EPB41L3: variants seen among roughly 807,000 people sequenced by gnomAD.
The protein encoded by EPB41L3 is band 4.1-like protein 3.
In EPB41L3, 57 loss-of-function variants were observed where a neutral mutation model predicts 127.1. The observed-to-expected ratio is 0.45, with a 90% confidence interval of 0.36 to 0.56. EPB41L3 has a LOEUF of 0.56. EPB41L3 is among the 20% of genes least tolerant of loss of function. The probability of loss-of-function intolerance (pLI) is 0.00; values close to 1 mark genes in which losing one functional copy is unlikely to be tolerated. For synonymous variants in EPB41L3, 572 were observed against 549.5 expected, an observed-to-expected ratio of 1.04 and a Z score of -0.57; for missense variants, 1,273 against 1,372.2, an observed-to-expected ratio of 0.93 and a Z score of 1.14.
At chr18:5,616,141 C>T (rs1599339263) in intron 1 of EPB41L3, among the ~76,000 whole-genome samples, 1 of 152,186 alleles carries the variant, frequency 6.6e-6, no homozygotes, top group East Asian at 1.9e-4. Flanking sequence ...CCTTCCCTCA[C>T]CTCTCCCAAA....
At position 5,488,580 on chromosome 18, in the gene EPB41L3, A is replaced by ATGT. The variant is rs372299879; in HGVS notation, c.183+420_183+421insACA. On this transcript the variant is annotated intron_variant, in intron 2 of 22. Coordinates refer to ENST00000341928, the MANE Select transcript of EPB41L3 (RefSeq NM_012307.5). ...AAGTATAATAATAATGATGATGATG[A>ATGT]TGATAATAATAATAATAATAATAAT... 2.9e-3 allele frequency among the ~76,000 whole-genome samples: 401 copies of ATGT among 136,808 alleles called. 1 individual carries two copies. The highest frequency in any genetic ancestry group is 0.012 in the African/African-American group (382 of 30,700). 89.8% of individuals were successfully genotyped at this position (136,808 alleles called of 152,430 possible).
At position 5,407,349 on chromosome 18, in the gene EPB41L3, G is replaced by GT. The variant is rs145969268; in HGVS notation, c.2157+351dup. The GT allele has an allele frequency of 2.6e-3, 1,041 of 406,314 alleles. 26 individuals carry two copies. In the East Asian group the frequency reaches 0.042, roughly 17 times the overall value. The allele number at this position is 406,314 out of a possible 1,614,324, so 25.2% of individuals were successfully genotyped here. ...CCACTTATTAATGGATGAGCACACAGTTCATGCATCACAATACGAGCCCAC... is the reference window on the plus strand; with the variant it reads ...CCACTTATTAATGGATGAGCACACAGTTTCATGCATCACAATACGAGCCCAC... On this transcript the variant is annotated intron_variant, in intron 15 of 22. Coordinates refer to ENST00000341928, the MANE Select transcript of EPB41L3 (RefSeq NM_012307.5).
At chr18:5,511,403 T>G (rs997684965) in intron 1 of EPB41L3, among the ~76,000 whole-genome samples, 2 of 137,768 alleles carry the variant, frequency 1.5e-5, no homozygotes, top group South Asian at 2.5e-4. Flanking sequence ...TTTTTTTTTT[T>G]TTTTTTTTTT....
intron 5 of EPB41L3, among the ~76,000 whole-genome samples, chr18:5,443,395 A>G (rs1464791111): frequency 6.6e-6 from 1 of 152,248 alleles, no homozygotes; most frequent in Non-Finnish European, 1.5e-5. Flanking sequence ...TTGGTCCATT[A>G]AAATACGTAT....
At position 5,506,329 on chromosome 18, in the gene EPB41L3, G is replaced by A. The variant is rs536094890; in HGVS notation, c.-11-17135C>T. On this transcript the variant is annotated intron_variant, in intron 1 of 22. Transcript: ENST00000341928. ...TCTGGATACGCTGGCCTGAAAGAGC[G>A]CTACTCCAACGCCCTCATCATCTAC... Among the ~76,000 whole-genome samples, 5 of 152,240 alleles carry A rather than the reference G, an allele frequency of 3.3e-5. No homozygotes were observed. In the East Asian group the frequency reaches 7.7e-4, roughly 24 times the overall value.
chr18:5,500,332 C>T (rs2091627523), intron 1 of EPB41L3, among the ~76,000 whole-genome samples: 1 of 152,164 alleles, frequency 6.6e-6, no homozygotes, highest in African/African-American at 2.4e-5. Context: ...TATTCCCCAA[C>T]ATCTGACTCT....
intron 3 of EPB41L3, among the ~76,000 whole-genome samples, chr18:5,445,863 C>T (rs538577489): frequency 3.7e-4 from 57 of 152,260 alleles, no homozygotes; most frequent in Non-Finnish European, 4.9e-4. Flanking sequence ...ATCTAGGTTG[C>T]GCGCTCCTTA....
chr18:5,590,262 C>G (rs2094474271), intron 3 of EPB41L3, among the ~76,000 whole-genome samples: 1 of 152,090 alleles, frequency 6.6e-6, no homozygotes, highest in Non-Finnish European at 1.5e-5. Context: ...TGTTTGAGGT[C>G]CCAGTGCACC....
chr18:5,555,582 ACTCT>A (rs149751142), intron 3 of EPB41L3, among the ~76,000 whole-genome samples: 2,561 of 151,788 alleles, frequency 0.017, 66 homozygotes, highest in African/African-American at 0.058. Context: ...TGGACACCTT[ACTCT>A]CTCTCCCAAA....
rs7228644 is a variant in EPB41L3 at position 5,434,290 on chromosome 18, T to C, written c.606-169A>G. 0.25 allele frequency among the ~76,000 whole-genome samples: 37,291 copies of C among 152,096 alleles called. 5,595 individuals are homozygous for C. Among genetic ancestry groups the C allele is most frequent in the East Asian group, 0.45 (2,303 of 5,150 alleles). On this transcript the variant is annotated intron_variant, in intron 6 of 22. Transcript: ENST00000341928. ...ATATTTACTTCATACATACTTGTTC[T>C]AGATAGAAGGGAAAAATATTTGGTT...
At chr18:5,537,087 G>A (rs1033601383) in intron 1 of EPB41L3, among the ~76,000 whole-genome samples, 2 of 152,096 alleles carry the variant, frequency 1.3e-5, no homozygotes, top group Admixed American at 1.3e-4. Flanking sequence ...ACAGGCTCTA[G>A]GAAGTTAAAA....
intron 14 of EPB41L3, 63 bp downstream of exon 14, chr18:5,410,503 A>C: frequency 1.6e-6 from 2 of 1,237,538 alleles, no homozygotes; most frequent in East Asian, 2.3e-5. Context: ...TCTTAAACAC[A>C]GAGCCACCCC....
chr18:5,507,815 T>C (rs886363182), intron 1 of EPB41L3, among the ~76,000 whole-genome samples: 2 of 152,176 alleles, frequency 1.3e-5, no homozygotes, highest in Non-Finnish European at 2.9e-5. Context: ...TATTACCTCC[T>C]CCTTTAGAGC....
intron 3 of EPB41L3, among the ~76,000 whole-genome samples, chr18:5,446,317 G>A (rs530122160): frequency 1.3e-5 from 2 of 152,146 alleles, no homozygotes; most frequent in East Asian, 3.9e-4. Flanking sequence ...TGACCATCAA[G>A]CCAGCATCTG....
intron 3 of EPB41L3, among the ~76,000 whole-genome samples, chr18:5,559,212 G>C (rs1057365929): frequency 6.6e-6 from 1 of 152,086 alleles, no homozygotes; most frequent in Non-Finnish European, 1.5e-5. Context: ...AGATGATAAA[G>C]GTTTCGACAA....
At chr18:5,405,112 T>C (rs1411470292) in intron 16 of EPB41L3, among the ~76,000 whole-genome samples, 2 of 152,214 alleles carry the variant, frequency 1.3e-5, no homozygotes, top group Admixed American at 6.5e-5. Flanking sequence ...AGGTTTGGGA[T>C]TGTCATGAAC....
chr18:5,542,927 C>T (rs1172253710), intron 1 of EPB41L3, among the ~76,000 whole-genome samples: 13 of 152,164 alleles, frequency 8.5e-5, no homozygotes, highest in Non-Finnish European at 1.5e-5. Context: ...CGGCAGCAGC[C>T]AGGAAACACT....
At chr18:5,396,040 T>C (rs1436982016) in intron 19 of EPB41L3, among the ~76,000 whole-genome samples, 161 bp downstream of exon 19, 1 of 151,074 alleles carries the variant, frequency 6.6e-6, no homozygotes, top group Non-Finnish European at 1.5e-5. Context: ...CCCTGATCAC[T>C]AATAAAATGA....
chr18:5,484,093 A>AAAAAAAAAAAAAAAAAAAAAAAAAAAG (rs2089196826), intron 2 of EPB41L3, among the ~76,000 whole-genome samples: 1 of 107,728 alleles, frequency 9.3e-6, no homozygotes, highest in Non-Finnish European at 1.7e-5. Context: ...ACTCAAAAAA[A>AAAAAAAAAAAAAAAAAAAAAAAAAAAG]AAAAAAAAAA....
Sources: allele counts gnomAD v4.1 joint callset (sites outside exome capture counted in the v4.1 genomes callset), GRCh38; gene constraint gnomAD v4.1.1; transcripts MANE v1.5; gene names NCBI Gene and HGNC (gene_info 2026-07-23, HGNC 2026-07-21).